R3HDM1: variants seen among roughly 807,000 people sequenced by gnomAD.
The protein encoded by R3HDM1 is R3H domain-containing protein 1.
R3HDM1 carries 46 observed loss-of-function variants against 141.1 expected under a neutral mutation model. The ratio of observed to expected loss-of-function variants is 0.33; its 90% CI spans 0.26 to 0.42. The LOEUF (loss-of-function observed/expected upper bound fraction) is 0.42. Among genes scored for constraint, R3HDM1 ranks in the 10% least tolerant of loss-of-function variants. R3HDM1 has a pLI of 1.00. For missense variants in R3HDM1, 1,184 were observed against 1,368.3 expected (o/e 0.87, Z 2.12); for synonymous variants, 435 against 472.9 (o/e 0.92, Z 1.04).
At chr2:135,699,373 C>G (rs2073915045) in intron 21 of R3HDM1, among the ~76,000 whole-genome samples, 1 of 152,118 alleles carries the variant, frequency 6.6e-6, no homozygotes, top group African/African-American at 2.4e-5. Context: ...TTAGTAGATA[C>G]AGAAGATTTG....
Position 135,641,715 on chromosome 2 carries a change from A to G in R3HDM1, c.1399A>G (p.Ser467Gly), listed in dbSNP as rs2063806468. The G allele has an allele frequency of 6.2e-7, 1 of 1,614,042 alleles. No individual in the cohort carries two copies. The highest frequency in any genetic ancestry group is 8.5e-7 in the Non-Finnish European group (1 of 1,180,036). ...CCTAAATGGGCAAGTCGCATCTCCT[A>G]GCACTAGCTTCTTTTTGCTTCCCTT... ...GGLNGQVASPSTSFFLLPLEA... is the reference protein window; with the variant it reads ...GGLNGQVASPGTSFFLLPLEA... Residue 467 changes from serine (S) to glycine (G), a missense_variant, in exon 15 of 27, where the codon AGC becomes GGC. This residue lies in a region of R3HDM1 where 240 missense variants were observed against 312.3 expected (regional missense o/e 0.77). Coordinates refer to ENST00000683871, the MANE Select transcript of R3HDM1 (RefSeq NM_001378107.1).
In R3HDM1 at chr2:135,641,838, G is replaced by T. The variant is rs540736878; in HGVS notation, c.1474+48G>T. ...TTCAGGAATTATCTGAAAATTTAAG[G>T]ATACTTATTAAATGTATTTTCTGAA... On this transcript the variant is annotated intron_variant, in intron 15 of 26. Coordinates refer to ENST00000683871, the MANE Select transcript of R3HDM1 (RefSeq NM_001378107.1). 3.5e-5 allele frequency: 53 copies of T among 1,510,562 alleles called. No individual in the cohort carries two copies. The East Asian group carries it at 8.9e-4, about 25-fold the overall frequency. The allele number at this position is 1,510,562 out of a possible 1,614,324, so 93.6% of individuals were successfully genotyped here. A position where few individuals can be genotyped will look rare whatever the true frequency, so the allele number is the denominator to read the frequency against.
intron 1 of R3HDM1, among the ~76,000 whole-genome samples, chr2:135,579,893 A>G (rs1180510615): frequency 6.6e-6 from 1 of 152,214 alleles, no homozygotes; most frequent in Non-Finnish European, 1.5e-5. Flanking sequence ...TGGATGAGGT[A>G]TATACAGGAA....
At chr2:135,650,959 A>T (rs1348266401) in intron 17 of R3HDM1, 1 of 985,366 alleles carries the variant, frequency 1.0e-6, no homozygotes, top group East Asian at 1.1e-4. Flanking sequence ...TTTTAACCCT[A>T]TATAATCATT....
At chr2:135,620,369 C>A in intron 5 of R3HDM1, 1 of 848,034 alleles carries the variant, frequency 1.2e-6, no homozygotes, top group Non-Finnish European at 1.4e-6. Context: ...GAAAATGAAT[C>A]ACAATAAGAA....
chr2:135,541,294 G>A (rs551120929), intron 1 of R3HDM1, among the ~76,000 whole-genome samples: 18 of 152,014 alleles, frequency 1.2e-4, no homozygotes, highest in Middle Eastern at 6.8e-3. Flanking sequence ...TCCGCCTCCC[G>A]CCTCCTGGGT....
chr2:135,622,913 C>T, intron 7 of R3HDM1, 181 bp downstream of exon 7: 1 of 983,874 alleles, frequency 1.0e-6, no homozygotes, highest in Non-Finnish European at 1.2e-6. Context: ...ATATAAATAT[C>T]TTTTTGCATT....
intron 21 of R3HDM1, among the ~76,000 whole-genome samples, chr2:135,686,600 G>A (rs1018065454): frequency 9.9e-5 from 15 of 152,198 alleles, no homozygotes; most frequent in Non-Finnish European, 4.4e-5. Context: ...GCTGGGTATA[G>A]TGACAAATAC....
intron 1 of R3HDM1, among the ~76,000 whole-genome samples, chr2:135,545,481 G>A (rs1698497086): frequency 6.6e-6 from 1 of 152,102 alleles, no homozygotes; most frequent in Non-Finnish European, 1.5e-5. Context: ...TGAAATGAAG[G>A]AAAAAGCCAT....
At chr2:135,612,110 G>A (rs2060605979) in intron 3 of R3HDM1, among the ~76,000 whole-genome samples, 1 of 152,064 alleles carries the variant, frequency 6.6e-6, no homozygotes, top group Non-Finnish European at 1.5e-5. Context: ...TTAGTTTATT[G>A]ATTTTTAAAA....
At chr2:135,640,238 G>A (rs1165918203) in intron 14 of R3HDM1, among the ~76,000 whole-genome samples, 3 of 152,158 alleles carry the variant, frequency 2.0e-5, no homozygotes, top group African/African-American at 4.8e-5. Flanking sequence ...AAATTATTAA[G>A]GCTTATGAAT....
chr2:135,581,532 T>A (rs1706802758), intron 1 of R3HDM1: 2 of 441,096 alleles, frequency 4.5e-6, no homozygotes, highest in Non-Finnish European at 6.0e-6. Flanking sequence ...GTATCTCCTC[T>A]CTATGACATG....
At chr2:135,696,807 T>G (rs1575086018) in intron 21 of R3HDM1, among the ~76,000 whole-genome samples, 1 of 152,202 alleles carries the variant, frequency 6.6e-6, no homozygotes, top group Non-Finnish European at 1.5e-5. Flanking sequence ...TCTAATAGTT[T>G]AAACAAAGAC....
chr2:135,710,295 T>A (rs111955408), intron 23 of R3HDM1, 64 bp downstream of exon 23: 1 of 1,497,868 alleles, frequency 6.7e-7, no homozygotes, highest in Non-Finnish European at 9.1e-7. Flanking sequence ...GATTGACTTA[T>A]AAGGCTTGAA....
rs564127328 is a variant in R3HDM1, at chr2:135,607,970, A to G, written c.171+2954A>G. ...AAAAGAGAATGTGAGAATTTATTTT[A>G]TGTTAATCTGGTGAATGCCATATTC... On this transcript the variant is annotated intron_variant, in intron 3 of 26. Transcript: ENST00000683871. 1.3e-4 allele frequency: 132 copies of G among 983,008 alleles called. 1 individual carries two copies. The South Asian group carries it at 5.1e-3, about 38-fold the overall frequency. 60.9% of individuals were successfully genotyped at this position (983,008 alleles called of 1,614,324 possible).
intron 18 of R3HDM1, among the ~76,000 whole-genome samples, chr2:135,653,154 G>A (rs1228733822): frequency 6.0e-5 from 9 of 151,072 alleles, no homozygotes; most frequent in African/African-American, 1.7e-4. Flanking sequence ...TCAGGAGTTC[G>A]TGACCAGCCT....
intron 23 of R3HDM1, 45 bp from the exon 24 acceptor site, chr2:135,715,505 C>T: frequency 6.3e-7 from 1 of 1,582,064 alleles, no homozygotes; most frequent in Non-Finnish European, 8.6e-7. Flanking sequence ...AAAAATAAGC[C>T]TGCCCAAAAT....
chr2:135,715,595 C>T lies in R3HDM1; in HGVS notation c.2782C>T (p.Pro928Ser), dbSNP rs1159214728. ...CCCCATTATTTCACCAGCTCAGTCG[C>T]CAGCACCAGCTCAGCTGTCCACCCT... is the stretch of plus-strand genomic sequence containing the variant. ...SSPIISPAQSPAPAQLSTLKT... is the reference protein window; with the variant it reads ...SSPIISPAQSSAPAQLSTLKT... Residue 928 changes from proline (P) to serine (S), a missense_variant, in exon 24 of 27, where the codon CCA (proline) becomes TCA (serine). Pro to Ser is a moderately conservative substitution (Grantham distance 74). This residue lies in a region of R3HDM1 where 563 missense variants were observed against 562.0 expected (regional missense o/e 1.00). Coordinates refer to ENST00000683871, the MANE Select transcript of R3HDM1 (RefSeq NM_001378107.1). 3 of 1,614,050 alleles carry T rather than the reference C, an allele frequency of 1.9e-6. No homozygotes were observed. Among genetic ancestry groups the T allele is most frequent in the South Asian group, 2.2e-5 (2 of 91,062 alleles).
chr2:135,601,511 T>C (rs1053548406), intron 1 of R3HDM1, among the ~76,000 whole-genome samples: 4 of 152,222 alleles, frequency 2.6e-5, no homozygotes, highest in African/African-American at 9.6e-5. Context: ...CACCTTAAAA[T>C]GTACTATTCT....
Sources: gnomAD v4.1 joint callset for allele counts (sites outside exome capture counted in the v4.1 genomes callset) on GRCh38, gnomAD v4.1.1 for gene constraint, gnomAD v4.1.1 regional missense constraint, MANE v1.5 for transcripts, NCBI Gene and HGNC (gene_info 2026-07-23, HGNC 2026-07-21) for gene names.